Variants in IMMP2L observed in about 807,000 individuals in gnomAD.
IMMP2L encodes inner mitochondrial membrane peptidase subunit 2.
A neutral mutation model predicts 19.3 loss-of-function variants in IMMP2L; 18 were observed. The observed-to-expected ratio is 0.93, with a 90% CI of 0.64 to 1.38. The LOEUF is 1.38. Among genes scored for constraint, IMMP2L ranks in the 40% most tolerant of loss-of-function variants. IMMP2L has a pLI of 0.00. For synonymous variants in IMMP2L, 76 were observed against 73.0 expected (o/e 1.04, Z -0.21); for missense variants, 233 against 218.2 (o/e 1.07, Z -0.43).
intron 5 of IMMP2L, among the ~76,000 whole-genome samples, chr7:110,829,589 GAAAAACAA>G (rs370025598): frequency 7.1e-4 from 108 of 151,674 alleles, no homozygotes; most frequent in African/African-American, 2.4e-3. Context: ...CTTATTCTTA[GAAAAACAA>G]AAAAACAAAA....
intron 3 of IMMP2L, among the ~76,000 whole-genome samples, chr7:111,305,531 G>A (rs1000310331): frequency 6.6e-6 from 1 of 151,120 alleles, no homozygotes; most frequent in African/African-American, 2.4e-5. Context: ...CTGCAGTGCA[G>A]TGGCACGATC....
chr7:111,557,827 T>C (rs1791547000), intron 1 of IMMP2L, among the ~76,000 whole-genome samples: 1 of 151,816 alleles, frequency 6.6e-6, no homozygotes, highest in Non-Finnish European at 1.5e-5. Context: ...TGCAGATAGA[T>C]ATACTAAAAA....
intron 4 of IMMP2L, among the ~76,000 whole-genome samples, chr7:110,950,790 A>G (rs2129554125): frequency 6.8e-6 from 1 of 147,182 alleles, no homozygotes; most frequent in African/African-American, 2.5e-5. Flanking sequence ...TATGAGTTTG[A>G]TGTATTTTTA....
At chr7:110,779,864 G>T (rs183335544) in intron 5 of IMMP2L, among the ~76,000 whole-genome samples, 1 of 151,758 alleles carries the variant, frequency 6.6e-6, no homozygotes, top group East Asian at 1.9e-4. Context: ...CAGGAGTAAA[G>T]TTCCTAGGGA....
At chr7:110,802,456 C>T (rs1488900031) in intron 5 of IMMP2L, among the ~76,000 whole-genome samples, 3 of 149,896 alleles carry the variant, frequency 2.0e-5, no homozygotes, top group Non-Finnish European at 4.4e-5. Context: ...TTTTTGTTTA[C>T]GTCAAATTAA....
intron 2 of IMMP2L, among the ~76,000 whole-genome samples, chr7:111,519,615 T>C (rs1418258584): frequency 6.6e-6 from 1 of 152,132 alleles, no homozygotes; most frequent in Non-Finnish European, 1.5e-5. Context: ...AGCCTTGTCC[T>C]TTCATAAGGC....
intron 5 of IMMP2L, among the ~76,000 whole-genome samples, chr7:110,670,413 G>A (rs1472218339): frequency 6.6e-6 from 1 of 152,162 alleles, no homozygotes; most frequent in Non-Finnish European, 1.5e-5. Flanking sequence ...TACGCAGCCG[G>A]GTGTGGTGGC....
intron 5 of IMMP2L, among the ~76,000 whole-genome samples, chr7:110,733,456 G>GTT (rs758543576): frequency 4.4e-4 from 61 of 139,050 alleles, no homozygotes; most frequent in African/African-American, 1.2e-3. Flanking sequence ...GCCAAGGAGT[G>GTT]TTTTTTTTTT....
At chr7:111,207,584 G>T (rs1241475704) in intron 3 of IMMP2L, among the ~76,000 whole-genome samples, 1 of 135,282 alleles carries the variant, frequency 7.4e-6, no homozygotes, top group Non-Finnish European at 1.5e-5. Flanking sequence ...CTGTCATCAG[G>T]CTGGAGTGCA....
chr7:110,818,592 G>C (rs1297436531), intron 5 of IMMP2L, among the ~76,000 whole-genome samples: 1 of 152,086 alleles, frequency 6.6e-6, no homozygotes, highest in African/African-American at 2.4e-5. Flanking sequence ...AATACCATTT[G>C]ACCCAGCTAT....
chr7:111,471,291 G>T (rs575016022), intron 3 of IMMP2L, among the ~76,000 whole-genome samples: 1 of 151,966 alleles, frequency 6.6e-6, no homozygotes, highest in Non-Finnish European at 1.5e-5. Flanking sequence ...TGATTTACCC[G>T]CAAATCTTGA....
At chr7:111,228,389 A>C (rs1036041203) in intron 3 of IMMP2L, among the ~76,000 whole-genome samples, 1 of 152,100 alleles carries the variant, frequency 6.6e-6, no homozygotes, top group South Asian at 2.1e-4. Context: ...CATTAAAAAA[A>C]AATGAGACTC....
intron 2 of IMMP2L, among the ~76,000 whole-genome samples, chr7:111,511,516 G>A (rs1210336776): frequency 6.6e-6 from 1 of 151,876 alleles, no homozygotes; most frequent in Non-Finnish European, 1.5e-5. Flanking sequence ...AGGCATGGTG[G>A]TGCAAGCCTG....
In IMMP2L at chr7:110,817,271, A is replaced by G. The variant is rs541891356; in HGVS notation, c.408+69322T>C. Among the ~76,000 whole-genome samples the G allele has an allele frequency of 4.8e-4, 73 of 152,258 alleles. 2 individuals carry two copies. Among genetic ancestry groups the G allele is most frequent in the African/African-American group, 1.7e-3 (70 of 41,564 alleles). Reference sequence around the variant, plus strand: ...TAAGCAACTTCAGCAAAGTCTCAGGATACAAAATCAATGTACCAAAATCAC... The same window carrying G: ...TAAGCAACTTCAGCAAAGTCTCAGGGTACAAAATCAATGTACCAAAATCAC... On this transcript the variant is annotated intron_variant, in intron 5 of 5. Coordinates refer to ENST00000405709, the MANE Select transcript of IMMP2L (RefSeq NM_032549.4).
At chr7:111,232,313 A>G (rs1430627739) in intron 3 of IMMP2L, among the ~76,000 whole-genome samples, 3 of 151,852 alleles carry the variant, frequency 2.0e-5, no homozygotes, top group Non-Finnish European at 4.4e-5. Flanking sequence ...ACCAATAAAA[A>G]TAGCCCACAA....
chr7:110,786,039 G>A (rs772315337), intron 5 of IMMP2L, among the ~76,000 whole-genome samples: 9 of 151,744 alleles, frequency 5.9e-5, no homozygotes, highest in South Asian at 2.1e-4. Context: ...AAATGAAAAC[G>A]ATGAATTCAG....
rs181509364 is a variant in IMMP2L at position 111,170,077 on chromosome 7, A to C, written c.240-206512T>G. On this transcript the variant is annotated intron_variant, in intron 3 of 5. Coordinates refer to ENST00000405709, the MANE Select transcript of IMMP2L (RefSeq NM_032549.4). ...TAAGCTGTTTTGTCTATACATATGC[A>C]TACATTCAAGTAACAGTTGAAACTG... is the stretch of plus-strand genomic sequence containing the variant. Among the ~76,000 whole-genome samples the C allele has an allele frequency of 5.2e-4, 79 of 152,092 alleles. 1 individual carries two copies. In the East Asian group the frequency reaches 0.015, roughly 28 times the overall value.
intron 3 of IMMP2L, among the ~76,000 whole-genome samples, chr7:111,274,239 T>C (rs1006513469): frequency 6.6e-6 from 1 of 152,156 alleles, no homozygotes; most frequent in Non-Finnish European, 1.5e-5. Context: ...TAGGATCACC[T>C]TTTCAAAATG....
At chr7:111,100,178 T>C (rs1238577072) in intron 3 of IMMP2L, among the ~76,000 whole-genome samples, 1 of 151,638 alleles carries the variant, frequency 6.6e-6, no homozygotes, top group Non-Finnish European at 1.5e-5. Context: ...GGTGTCTGGT[T>C]ACATGAATAA....
Sources: gnomAD v4.1 joint callset for allele counts (sites outside exome capture counted in the v4.1 genomes callset) on GRCh38, gnomAD v4.1.1 for gene constraint, MANE v1.5 for transcripts, NCBI Gene and HGNC (gene_info 2026-07-23, HGNC 2026-07-21) for gene names.